Variants in NLGN4X observed in about 807,000 individuals in gnomAD.
The protein encoded by NLGN4X is neuroligin 4 X-linked.
NLGN4X carries 3 observed loss-of-function variants against 40.3 expected under a neutral mutation model. The observed-to-expected ratio is 0.07, with a 90% CI of 0.03 to 0.19. The LOEUF is 0.19. NLGN4X is among the 10% of genes least tolerant of loss of function. The pLI, the probability that NLGN4X is intolerant of heterozygous loss-of-function variation, is 1.00. For missense variants in NLGN4X, 382 were observed against 708.3 expected (o/e 0.54, Z 5.23); for synonymous variants, 270 against 306.8 (o/e 0.88, Z 1.25).
At chrX:6,148,965 G>A (rs183000364) in intron 2 of NLGN4X, among the ~76,000 whole-genome samples, 14 of 112,008 alleles carry the variant, frequency 1.2e-4, no homozygotes, top group East Asian at 2.8e-4. Context: ...TTTACACATC[G>A]TGGGGAGATC....
chrX:5,896,848 C>A (rs1294202206), intron 5 of NLGN4X, among the ~76,000 whole-genome samples: 5 of 112,322 alleles, frequency 4.5e-5, no homozygotes, highest in African/African-American at 1.6e-4. Context: ...TGGGGATGTT[C>A]ATTCATTCAG....
At chrX:6,116,287 T>A in intron 2 of NLGN4X, among the ~76,000 whole-genome samples, 1 of 8,008 alleles carries the variant, frequency 1.2e-4, no homozygotes, top group Non-Finnish European at 2.0e-4. Flanking sequence ...ACCGAGACTC[T>A]GTCAAAAAAA....
chrX:6,194,883 G>A (rs905237958), intron 1 of NLGN4X, among the ~76,000 whole-genome samples: 3 of 112,004 alleles, frequency 2.7e-5, no homozygotes, highest in Non-Finnish European at 3.8e-5. Context: ...GAAGCAGGGA[G>A]TAAGACCTAT....
At chrX:6,145,248 T>C (rs779893886) in intron 2 of NLGN4X, among the ~76,000 whole-genome samples, 2 of 111,638 alleles carry the variant, frequency 1.8e-5, no homozygotes, top group Admixed American at 1.9e-4. Flanking sequence ...TTATGGAACT[T>C]TGTCCCTCAC....
At chrX:6,209,107 C>T (rs887937984) in intron 1 of NLGN4X, among the ~76,000 whole-genome samples, 1 of 111,786 alleles carries the variant, frequency 8.9e-6, no homozygotes. Context: ...GAGGCCATTA[C>T]CTTAAGTGAA....
chrX:5,969,393 C>T (rs1410609006), intron 3 of NLGN4X, among the ~76,000 whole-genome samples: 7 of 111,680 alleles, frequency 6.3e-5, no homozygotes, highest in Admixed American at 3.8e-4. Flanking sequence ...CAAAAGAAGA[C>T]ATTTATGCAG....
intron 2 of NLGN4X, among the ~76,000 whole-genome samples, chrX:6,127,288 A>AG (rs1401012497): frequency 8.9e-6 from 1 of 112,297 alleles, no homozygotes; most frequent in Non-Finnish European, 1.9e-5. Context: ...ATCCCTATCA[A>AG]GGTCCTGGCT....
At chrX:6,043,374 T>G (rs944229413) in intron 2 of NLGN4X, among the ~76,000 whole-genome samples, 5 of 111,521 alleles carry the variant, frequency 4.5e-5, no homozygotes, top group Admixed American at 2.9e-4. Context: ...TGTATGTATT[T>G]ACTATATATG....
At chrX:6,027,495 C>T (rs1469174503) in intron 3 of NLGN4X, among the ~76,000 whole-genome samples, 1 of 111,470 alleles carries the variant, frequency 9.0e-6, no homozygotes, top group Non-Finnish European at 1.9e-5. Flanking sequence ...AGTTCTTTAT[C>T]AATGTTTCAA....
At chrX:6,097,149 T>C (rs1028961825) in intron 2 of NLGN4X, among the ~76,000 whole-genome samples, 4 of 111,282 alleles carry the variant, frequency 3.6e-5, no homozygotes, top group African/African-American at 1.3e-4. Flanking sequence ...TGTATCATTA[T>C]GAAATGTCTC....
At chrX:6,032,641 T>TA (rs2036899250) in intron 2 of NLGN4X, 1 of 826,243 alleles carries the variant, frequency 1.2e-6, no homozygotes, top group Non-Finnish European at 1.7e-6. Flanking sequence ...GAGAGATAGA[T>TA]AGATATAAAA....
At chrX:6,136,453 G>A (rs751636821) in intron 2 of NLGN4X, among the ~76,000 whole-genome samples, 2 of 111,514 alleles carry the variant, frequency 1.8e-5, no homozygotes, top group African/African-American at 6.5e-5. Context: ...AGGAAGGTTC[G>A]CTTCCAAACT....
At chrX:6,149,751 T>C (rs909728240) in intron 2 of NLGN4X, among the ~76,000 whole-genome samples, 14 of 111,697 alleles carry the variant, frequency 1.3e-4, no homozygotes, top group Non-Finnish European at 2.1e-4. Context: ...GGGCTGTTCT[T>C]TGTAATCTCA....
chrX:6,208,904 C>G (rs190133537), intron 1 of NLGN4X, among the ~76,000 whole-genome samples: 1 of 112,000 alleles, frequency 8.9e-6, no homozygotes, highest in Admixed American at 9.5e-5. Flanking sequence ...AAAAAGAAAT[C>G]GCTATGTCAA....
At chrX:5,983,211 T>A (rs1002383481) in intron 3 of NLGN4X, among the ~76,000 whole-genome samples, 6 of 111,550 alleles carry the variant, frequency 5.4e-5, no homozygotes, top group African/African-American at 2.0e-4. Context: ...GCCCCATGGA[T>A]GAAAGAACCT....
chrX:5,917,104 C>T (rs1411226515), intron 3 of NLGN4X, among the ~76,000 whole-genome samples: 1 of 112,228 alleles, frequency 8.9e-6, no homozygotes, highest in African/African-American at 3.2e-5. Context: ...ATATAAAATC[C>T]CCAAGATCTA....
intron 2 of NLGN4X, among the ~76,000 whole-genome samples, chrX:6,060,598 C>A (rs1263818921): frequency 1.8e-5 from 2 of 111,721 alleles, no homozygotes; most frequent in Non-Finnish European, 3.8e-5. Flanking sequence ...TAAATAGCAC[C>A]TTCTTCTTCC....
chrX:5,987,758 G>GT (rs764443812), intron 3 of NLGN4X, among the ~76,000 whole-genome samples: 6 of 111,952 alleles, frequency 5.4e-5, no homozygotes, highest in Non-Finnish European at 7.5e-5. Context: ...CAGAATTTCT[G>GT]TTTTCCACTT....
At chrX:5,999,072 T>A (rs2035907805) in intron 3 of NLGN4X, among the ~76,000 whole-genome samples, 1 of 111,804 alleles carries the variant, frequency 8.9e-6, no homozygotes, top group Admixed American at 9.5e-5. Context: ...CTGAACAGCC[T>A]TTTCCAGCAA....
Sources: gnomAD v4.1 joint callset for allele counts (sites outside exome capture counted in the v4.1 genomes callset) on GRCh38, gnomAD v4.1.1 for gene constraint, MANE v1.5 for transcripts, NCBI Gene and HGNC (gene_info 2026-07-23, HGNC 2026-07-21) for gene names.